TRAF7: variants seen among roughly 807,000 people sequenced by gnomAD.
TRAF7 encodes TNF receptor associated factor 7.
A neutral mutation model predicts 89.3 loss-of-function variants in TRAF7; 45 were observed. The observed-to-expected ratio is 0.50, with a 90% CI of 0.40 to 0.65. The LOEUF is 0.65. Ranked by LOEUF, TRAF7 falls within the 30% of genes least tolerant of loss-of-function variation. TRAF7 has a pLI of 0.00. For missense variants in TRAF7, 677 were observed against 918.1 expected, an observed-to-expected ratio of 0.74 and a Z score of 3.39; for synonymous variants, 406 against 369.2, an observed-to-expected ratio of 1.10 and a Z score of -1.14.
At position 2,171,542 on chromosome 16, in the gene TRAF7, C is replaced by A. The variant is rs768495373; in HGVS notation, c.442-30C>A. 5.1e-5 allele frequency: 83 copies of A among 1,613,144 alleles called. No homozygotes were observed. The Middle Eastern group carries it at 1.2e-3, about 22-fold the overall frequency. On this transcript the variant is annotated intron_variant, in intron 6 of 20. Coordinates refer to ENST00000326181, the MANE Select transcript of TRAF7 (RefSeq NM_032271.3). ...ACTAGGGAAAAAGAGGACCCTGCGC[C>A]ACCCTCAAGCCCGCCCTTTGCCTCC...
chr16:2,169,262 G>A (rs1028725940), intron 4 of TRAF7, among the ~76,000 whole-genome samples: 3 of 152,192 alleles, frequency 2.0e-5, no homozygotes, highest in Non-Finnish European at 4.4e-5. Context: ...GGGATTACAA[G>A]TGTGAGCCAC....
At chr16:2,174,440 G>A (rs985997192) in intron 14 of TRAF7, 107 bp downstream of exon 14, 4 of 1,113,506 alleles carry the variant, frequency 3.6e-6, no homozygotes, top group Non-Finnish European at 2.6e-6. Context: ...CTATGTGTGT[G>A]CCCCACCTAT....
rs1230284709 is a variant in TRAF7 at position 2,171,279 on chromosome 16, G to T, written c.364G>T (p.Ala122Ser). 1 of 1,551,448 alleles carries T rather than the reference G, an allele frequency of 6.4e-7. No homozygotes were observed. The highest frequency in any genetic ancestry group is 8.7e-7 in the Non-Finnish European group (1 of 1,148,446). ...TTGGTTCCAGGAGCCACTGGTGTTTGCGGAGCAGCCCTCGGTGAAGCTGTG... is the reference window on the plus strand; with the variant it reads ...TTGGTTCCAGGAGCCACTGGTGTTTTCGGAGCAGCCCTCGGTGAAGCTGTG... Reference protein sequence around the residue: ...EEEEPEPLVFAEQPSVKLCCQ... With the variant: ...EEEEPEPLVFSEQPSVKLCCQ... The change falls in exon 6 of 21, where the codon GCG becomes TCG. Residue 122 changes from alanine (A) to serine (S), a missense_variant. Coordinates refer to ENST00000326181, the MANE Select transcript of TRAF7 (RefSeq NM_032271.3).
intron 3 of TRAF7, among the ~76,000 whole-genome samples, chr16:2,166,633 C>T (rs920407896): frequency 1.3e-5 from 2 of 152,178 alleles, no homozygotes; most frequent in African/African-American, 2.4e-5. Context: ...AATTCCTGGG[C>T]TCACGTGATC....
In TRAF7 at chr16:2,168,132, C is replaced by G. The variant is rs777048598; in HGVS notation, c.195C>G (p.Thr65=). Residue 65 remains threonine, a synonymous_variant, in exon 4 of 21, where the codon ACC becomes ACG. Transcript: ENST00000326181. This position sits in a 1 kb window ranked among gnomAD's most constrained non-coding sequence, Gnocchi z 4.1. ...QHCRTPSSSS[T]LAYSPRDEED... is the part of the protein sequence containing the mutation. ...GCAGGACACCCTCCTCCTCCAGCAC[C>G]CTTGCCTACTCCCCGCGGGACGAGG... 1.9e-6 allele frequency: 3 copies of G among 1,612,352 alleles called. No homozygotes were observed. The highest frequency in any genetic ancestry group is 1.7e-4 in the Middle Eastern group (1 of 5,968).
In TRAF7 at chr16:2,175,634, C is replaced by T. The variant is rs747146071; in HGVS notation, c.1626+12C>T. 13 of 1,609,876 alleles carry T rather than the reference C, an allele frequency of 8.1e-6. No individual in the cohort carries two copies. Among genetic ancestry groups the T allele is most frequent in the Non-Finnish European group, 1.1e-5 (13 of 1,178,622 alleles). ...ACCAGACAATCAAGGTGCGCTTGGGCACACCTGGTGGCCACAGGGCCTTGC... is the reference window on the plus strand; with the variant it reads ...ACCAGACAATCAAGGTGCGCTTGGGTACACCTGGTGGCCACAGGGCCTTGC... On this transcript the variant is annotated intron_variant, in intron 17 of 20. Transcript: ENST00000326181.
At chr16:2,166,157 G>A (rs1268964886) in intron 3 of TRAF7, among the ~76,000 whole-genome samples, 2 of 152,238 alleles carry the variant, frequency 1.3e-5, no homozygotes, top group African/African-American at 2.4e-5. Flanking sequence ...CTCGGTGACT[G>A]TGCTGTGCCC....
At chr16:2,165,423 G>A (rs2093081073) in intron 2 of TRAF7, among the ~76,000 whole-genome samples, 1 of 137,542 alleles carries the variant, frequency 7.3e-6, no homozygotes, top group African/African-American at 2.8e-5. Flanking sequence ...TGGCCTGGTC[G>A]CATGGTTAAG....
At chr16:2,171,875 C>T (rs377147126) in intron 7 of TRAF7, among the ~76,000 whole-genome samples, 1 of 152,200 alleles carries the variant, frequency 6.6e-6, no homozygotes, top group African/African-American at 2.4e-5. Context: ...GGGTTGGCAC[C>T]CTCTGGGGAG....
At chr16:2,164,025 C>A in intron 2 of TRAF7, 24 bp downstream of exon 2, 2 of 1,588,318 alleles carry the variant, frequency 1.3e-6, no homozygotes, top group Non-Finnish European at 8.6e-7. Flanking sequence ...CCTCTGCAAG[C>A]CCAACATCCC....
At position 2,176,600 on chromosome 16, in the gene TRAF7, C is replaced by A. The variant is rs1158745784; in HGVS notation, c.*26C>A. On this transcript the variant is annotated 3_prime_UTR_variant, in exon 21 of 21. Coordinates refer to ENST00000326181, the MANE Select transcript of TRAF7 (RefSeq NM_032271.3). Reference sequence around the variant, plus strand: ...CAGGATCCAGGCCAGGCTGTGGTTTCCCCTGAACCAGCCCTGGACCTTTCT... The same window carrying A: ...CAGGATCCAGGCCAGGCTGTGGTTTACCCTGAACCAGCCCTGGACCTTTCT... 28 of 1,613,278 alleles carry A rather than the reference C, an allele frequency of 1.7e-5. No individual in the cohort carries two copies. The highest frequency in any genetic ancestry group is 2.3e-5 in the Non-Finnish European group (27 of 1,180,000).
chr16:2,170,450 C>T (rs2093103998), intron 4 of TRAF7, among the ~76,000 whole-genome samples, 164 bp from the exon 5 acceptor site: 1 of 152,228 alleles, frequency 6.6e-6, no homozygotes, highest in Admixed American at 6.5e-5. Flanking sequence ...GCATCAGCTC[C>T]CCACGCCCAC....
rs2093057044 is a variant in TRAF7, at chr16:2,161,194, C to CCCCT, written c.-38-2678_-38-2675dup. On this transcript the variant is annotated intron_variant, in intron 1 of 20. Coordinates refer to ENST00000326181, the MANE Select transcript of TRAF7 (RefSeq NM_032271.3). The surrounding 1 kb of genome is among the most constrained non-coding windows in gnomAD (Gnocchi z 5.2). ...CCCTCCTTCCCTCCCTCCTTCCGTCCCCCTCCCTCCCTCCGTCCCCCTGCT... is the reference window on the plus strand; with the variant it reads ...CCCTCCTTCCCTCCCTCCTTCCGTCCCCCTCCCTCCCTCCCTCCGTCCCCCTGCT... Among the ~76,000 whole-genome samples the CCCCT allele has an allele frequency of 7.5e-6, 1 of 134,026 alleles. No individual in the cohort carries two copies. Among genetic ancestry groups the CCCCT allele is most frequent in the Non-Finnish European group, 1.6e-5 (1 of 61,736 alleles). 87.9% of individuals were successfully genotyped at this position (134,026 alleles called of 152,430 possible).
chr16:2,161,244 G>A lies in TRAF7; in HGVS notation c.-38-2639G>A, dbSNP rs375696291. ...TTCCCTCTGCCCCCTCCCTCCCTCC[G>A]TCCCCTCCCTCCTTCCGTCCCCCTC... On this transcript the variant is annotated intron_variant, in intron 1 of 20. Coordinates refer to ENST00000326181, the MANE Select transcript of TRAF7 (RefSeq NM_032271.3). This position sits in a 1 kb window ranked among gnomAD's most constrained non-coding sequence, Gnocchi z 5.2. 9.4e-5 allele frequency among the ~76,000 whole-genome samples: 10 copies of A among 105,966 alleles called. No homozygotes were observed. Among genetic ancestry groups the A allele is most frequent in the African/African-American group, 2.9e-4 (8 of 27,726 alleles). 69.5% of individuals were successfully genotyped at this position (105,966 alleles called of 152,430 possible).
intron 17 of TRAF7, 33 bp downstream of exon 17, chr16:2,175,655 C>G: frequency 1.2e-6 from 2 of 1,603,988 alleles, no homozygotes; most frequent in South Asian, 1.1e-5. Context: ...GCCACAGGGC[C>G]TTGCCTCCTA....
At chr16:2,173,857 G>GCCCCCCC in intron 12 of TRAF7, 21 bp downstream of exon 12, 2 of 1,607,512 alleles carry the variant, frequency 1.2e-6, no homozygotes, top group Non-Finnish European at 1.7e-6. Context: ...ACCCGCCGTG[G>GCCCCCCC]CTCCCGCCCA....
Position 2,176,525 on chromosome 16 carries a change from C to T in TRAF7, c.1999-35C>T, listed in dbSNP as rs145663100. 2.8e-4 allele frequency: 453 copies of T among 1,613,170 alleles called. 1 individual carries two copies. Among genetic ancestry groups the T allele is most frequent in the Admixed American group, 3.7e-4 (22 of 60,028 alleles). On this transcript the variant is annotated intron_variant, in intron 20 of 20. Coordinates refer to ENST00000326181, the MANE Select transcript of TRAF7 (RefSeq NM_032271.3). Reference sequence around the variant, plus strand: ...GTGGCTGGGGCAGGGCAGCCGGCCGCAGGACATCCTGGTGAAGCAGCCCTT... The same window carrying T: ...GTGGCTGGGGCAGGGCAGCCGGCCGTAGGACATCCTGGTGAAGCAGCCCTT...
rs1377273116 is a variant in TRAF7, at chr16:2,172,119, G to A, written c.476-72G>A. 3.8e-6 allele frequency: 6 copies of A among 1,582,930 alleles called. No individual in the cohort carries two copies. The South Asian group carries it at 5.7e-5, about 15-fold the overall frequency. On this transcript the variant is annotated intron_variant, in intron 7 of 20. Transcript: ENST00000326181. ...ATGGACAGATCTGGCCCCCATTAGA[G>A]GCTCATGCCCACCCGGGTGAGGGAG...
intron 3 of TRAF7, among the ~76,000 whole-genome samples, chr16:2,166,942 G>A (rs918258187): frequency 6.6e-6 from 1 of 152,194 alleles, no homozygotes; most frequent in South Asian, 2.1e-4. Context: ...CTGGCACTCT[G>A]CCCTTTGTAG....
Sources: allele counts gnomAD v4.1 joint callset (sites outside exome capture counted in the v4.1 genomes callset), GRCh38; gene constraint gnomAD v4.1.1; non-coding constraint Gnocchi (gnomAD v3.1); transcripts MANE v1.5; gene names NCBI Gene and HGNC (gene_info 2026-07-23, HGNC 2026-07-21).